Variants in MYT1 observed in about 807,000 individuals in gnomAD.
MYT1 encodes myelin transcription factor 1.
Under a neutral mutation model 123.0 loss-of-function variants are expected in MYT1, and 23 were observed. That is an observed-to-expected ratio of 0.19 (90% CI 0.13 to 0.26). The LOEUF (loss-of-function observed/expected upper bound fraction) is 0.26. MYT1 is among the 10% of genes least tolerant of loss of function. The pLI is 1.00. For missense variants in MYT1, 1,125 were observed against 1,472.5 expected, an observed-to-expected ratio of 0.76 and a Z score of 3.86; for synonymous variants, 518 against 575.3, an observed-to-expected ratio of 0.90 and a Z score of 1.43.
chr20:64,226,470 A>C (rs1445882868), intron 16 of MYT1, among the ~76,000 whole-genome samples: 1 of 152,206 alleles, frequency 6.6e-6, no homozygotes, highest in Non-Finnish European at 1.5e-5. Context: ...TCTGAGCACC[A>C]CTGCAAAGTG....
chr20:64,173,411 G>T (rs545622353), intron 1 of MYT1, among the ~76,000 whole-genome samples: 1 of 152,192 alleles, frequency 6.6e-6, no homozygotes, highest in East Asian at 1.9e-4. Flanking sequence ...GGTCAGGGGA[G>T]CAGGAGGGAG....
In MYT1 at chr20:64,226,789, C is replaced by T. The variant is rs149343110; in HGVS notation, c.2529-626C>T. Among the ~76,000 whole-genome samples the T allele has an allele frequency of 2.2e-3, 341 of 152,388 alleles. 4 individuals are homozygous for T. The highest frequency in any genetic ancestry group is 7.9e-3 in the African/African-American group (329 of 41,588). Reference sequence around the variant, plus strand: ...TGGACTTTTGTGTTTCTCCTCCTTACTCTCTGCTGTAAGCCACTGGCTGTG... The same window carrying T: ...TGGACTTTTGTGTTTCTCCTCCTTATTCTCTGCTGTAAGCCACTGGCTGTG... On this transcript the variant is annotated intron_variant, in intron 16 of 22. Coordinates refer to ENST00000328439, the MANE Select transcript of MYT1 (RefSeq NM_004535.3).
chr20:64,234,156 A>G (rs1302164587), intron 19 of MYT1, among the ~76,000 whole-genome samples: 2 of 152,230 alleles, frequency 1.3e-5, no homozygotes, highest in African/African-American at 4.8e-5. Flanking sequence ...TGTGGATACA[A>G]TCACTTCATA....
chr20:64,222,000 C>A lies in MYT1; in HGVS notation c.2349C>A (p.Asn783Lys). 6.2e-7 allele frequency: 1 copy of A among 1,613,492 alleles called. No individual in the cohort carries two copies. Among genetic ancestry groups the A allele is most frequent in the Non-Finnish European group, 8.5e-7 (1 of 1,180,014 alleles). Residue 783 changes from asparagine (N) to lysine (K), a missense_variant, in exon 14 of 23, where the codon AAC becomes AAA. Transcript: ENST00000328439. ...RKYPGEVTLT[N>K]FKLKFLSKDI... ...ATCCGGGGGAAGTCACCCTGACCAA[C>A]TTTAAGCTGAAGTTTCTCTCCAAGG... is the stretch of plus-strand genomic sequence containing the variant.
chr20:64,204,274 C>G (rs548113212), intron 4 of MYT1, among the ~76,000 whole-genome samples: 1 of 152,290 alleles, frequency 6.6e-6, no homozygotes, highest in Non-Finnish European at 1.5e-5. Flanking sequence ...TATAGGGAGA[C>G]AGATGATGGT....
Position 64,213,590 on chromosome 20 carries a change from A to G in MYT1, c.1574A>G (p.Gln525Arg). ...AAATTAGCCAAATCCCATGAGAAGC[A>G]GCAGCCGCAGACAGGAGATCCTTCC... is the stretch of plus-strand genomic sequence containing the variant. Reference protein sequence around the residue: ...AEKLAKSHEKQQPQTGDPSKS... With the variant: ...AEKLAKSHEKRQPQTGDPSKS... The change falls in exon 10 of 23, where the codon CAG becomes CGG. Residue 525 changes from glutamine to arginine, a missense_variant. This residue lies in a region of MYT1 where 429 missense variants were observed against 604.1 expected (regional missense o/e 0.71). Coordinates refer to ENST00000328439, the MANE Select transcript of MYT1 (RefSeq NM_004535.3). The surrounding 1 kb of genome is among the most constrained non-coding windows in gnomAD (Gnocchi z 5.6). 1 of 1,614,194 alleles carries G rather than the reference A, an allele frequency of 6.2e-7. No homozygotes were observed. Among genetic ancestry groups the G allele is most frequent in the Non-Finnish European group, 8.5e-7 (1 of 1,180,036 alleles).
At position 64,241,311 on chromosome 20, in the gene MYT1, A is replaced by G. The variant is rs930253410; in HGVS notation, c.*863A>G. ...CCATGGTGACGGAGGTGGCAATGAC[A>G]TCATCAAGGTCAGAGGGTAAATTCC... On this transcript the variant is annotated 3_prime_UTR_variant, in exon 23 of 23. Coordinates refer to ENST00000328439, the MANE Select transcript of MYT1 (RefSeq NM_004535.3). This position sits in a 1 kb window ranked among gnomAD's most constrained non-coding sequence, Gnocchi z 4.2. 9 of 152,334 alleles carry G rather than the reference A, an allele frequency of 5.9e-5. No homozygotes were observed. The highest frequency in any genetic ancestry group is 2.2e-4 in the African/African-American group (9 of 41,458). The allele number at this position is 152,334 out of a possible 1,614,324, so 9.4% of individuals were successfully genotyped here.
chr20:64,187,007 C>T (rs1601704469), intron 1 of MYT1, among the ~76,000 whole-genome samples: 2 of 141,250 alleles, frequency 1.4e-5, no homozygotes, highest in African/African-American at 2.7e-5. Flanking sequence ...CCGGCATCCA[C>T]GTTTCCGTGG....
chr20:64,206,356 G>A (rs756651294), intron 6 of MYT1, among the ~76,000 whole-genome samples: 2 of 152,212 alleles, frequency 1.3e-5, no homozygotes, highest in Non-Finnish European at 2.9e-5. Flanking sequence ...AAGGAGGAAA[G>A]CAGACGAGTC....
rs1555812039 is a variant in MYT1 at position 64,202,071 on chromosome 20, T to TCGGGAACCCCTCGC, written c.86+2149_86+2150insCGGGAACCCCTCGC. ...AACCTCTGCGTGTCGGGAACCCCTG[T>TCGGGAACCCCTCGC]GTGCAGGACTTTCTCTGTGGATGAC... On this transcript the variant is annotated intron_variant, in intron 4 of 22. Coordinates refer to ENST00000328439, the MANE Select transcript of MYT1 (RefSeq NM_004535.3). The surrounding 1 kb of genome is among the most constrained non-coding windows in gnomAD (Gnocchi z 5.0). Among the ~76,000 whole-genome samples the TCGGGAACCCCTCGC allele has an allele frequency of 8.5e-6, 1 of 117,048 alleles. No homozygotes were observed. The highest frequency in any genetic ancestry group is 1.8e-5 in the Non-Finnish European group (1 of 55,664). 76.8% of individuals were successfully genotyped at this position (117,048 alleles called of 152,430 possible).
intron 10 of MYT1, among the ~76,000 whole-genome samples, chr20:64,215,568 A>G (rs996195878): frequency 6.6e-6 from 1 of 151,996 alleles, no homozygotes; most frequent in Non-Finnish European, 1.5e-5. Flanking sequence ...CGGTGGTACC[A>G]ATGTTAAGCT....
intron 3 of MYT1, 145 bp downstream of exon 3, chr20:64,199,061 C>A: frequency 1.2e-6 from 1 of 846,230 alleles, no homozygotes; most frequent in Non-Finnish European, 1.8e-6. Context: ...CTCAGGGCTG[C>A]TGAGCTTTGA....
At chr20:64,198,525 A>T (rs1416286910) in intron 2 of MYT1, among the ~76,000 whole-genome samples, 19 of 152,140 alleles carry the variant, frequency 1.2e-4, no homozygotes, top group Admixed American at 1.2e-3. Context: ...ACATACGGAC[A>T]TTCATCAGGC....
At chr20:64,227,623 T>C (rs1984206044) in intron 17 of MYT1, 146 bp downstream of exon 17, 2 of 850,150 alleles carry the variant, frequency 2.4e-6, no homozygotes, top group Non-Finnish European at 3.6e-6. Flanking sequence ...TTCCAGAACC[T>C]GATTAAGTTG....
chr20:64,226,738 G>A lies in MYT1; in HGVS notation c.2529-677G>A, dbSNP rs138730593. 1.8e-4 allele frequency among the ~76,000 whole-genome samples: 28 copies of A among 152,346 alleles called. 1 individual carries two copies. Among genetic ancestry groups the A allele is most frequent in the South Asian group, 1.2e-3 (6 of 4,832 alleles). ...TTGTACCACCTTATGTGATACATTC[G>A]TCAAATAGTTTTGGGTGTGTAAAGT... On this transcript the variant is annotated intron_variant, in intron 16 of 22. Transcript: ENST00000328439.
chr20:64,198,753 C>A, intron 2 of MYT1, 109 bp from the exon 3 acceptor site: 1 of 1,207,532 alleles, frequency 8.3e-7, no homozygotes, highest in Non-Finnish European at 1.2e-6. Context: ...CCAAAATCAC[C>A]TTTGCTGTCA....
intron 6 of MYT1, 84 bp from the exon 7 acceptor site, chr20:64,207,510 G>A (rs1353647145): frequency 6.5e-7 from 1 of 1,539,740 alleles, no homozygotes; most frequent in Non-Finnish European, 8.7e-7. Flanking sequence ...GTCAGGTGGA[G>A]GGGTGGTGGG....
At chr20:64,204,573 A>G (rs1463165943) in intron 4 of MYT1, among the ~76,000 whole-genome samples, 1 of 151,968 alleles carries the variant, frequency 6.6e-6, no homozygotes, top group East Asian at 1.9e-4. Flanking sequence ...CTGGGGCACG[A>G]AGGTCACAGC....
intron 18 of MYT1, among the ~76,000 whole-genome samples, chr20:64,229,311 G>A (rs1984258823): frequency 6.6e-6 from 1 of 152,188 alleles, no homozygotes; most frequent in Non-Finnish European, 1.5e-5. Context: ...TTATGGATTT[G>A]GCAAGGATCC....
Sources: allele counts gnomAD v4.1 joint callset (sites outside exome capture counted in the v4.1 genomes callset), GRCh38; gene constraint gnomAD v4.1.1; regional missense constraint gnomAD v4.1.1; non-coding constraint Gnocchi (gnomAD v3.1); transcripts MANE v1.5; gene names NCBI Gene and HGNC (gene_info 2026-07-23, HGNC 2026-07-21).